HDAC9: variants seen among roughly 807,000 people sequenced by gnomAD.
HDAC9 encodes MEF-2 interacting transcription repressor (MITR) protein.
A neutral mutation model predicts 139.4 loss-of-function variants in HDAC9; 41 were observed. The ratio of observed to expected loss-of-function variants is 0.29; its 90% CI spans 0.23 to 0.38. The LOEUF is 0.38. HDAC9 is among the 10% of genes least tolerant of loss of function. HDAC9 has a pLI of 1.00. For synonymous variants in HDAC9, 517 were observed against 476.2 expected (o/e 1.09, Z -1.12); for missense variants, 1,147 against 1,297.0 (o/e 0.88, Z 1.78).
intron 22 of HDAC9, among the ~76,000 whole-genome samples, chr7:18,925,392 A>C (rs138028251): frequency 1.1e-4 from 16 of 152,268 alleles, no homozygotes; most frequent in Non-Finnish European, 2.1e-4. Flanking sequence ...GCCTGGTTAT[A>C]TTAGGTCTCA....
chr7:18,952,841 C>A (rs1420089688), intron 23 of HDAC9, among the ~76,000 whole-genome samples: 1 of 149,792 alleles, frequency 6.7e-6, no homozygotes, highest in Non-Finnish European at 1.5e-5. Context: ...TTCCTCTCAC[C>A]AAACTGTATT....
At chr7:18,171,663 T>C (rs895770366) in intron 2 of HDAC9, among the ~76,000 whole-genome samples, 1 of 152,258 alleles carries the variant, frequency 6.6e-6, no homozygotes, top group Admixed American at 6.5e-5. Flanking sequence ...GAAGGGCTGT[T>C]GAATTTTGTC....
intron 17 of HDAC9, among the ~76,000 whole-genome samples, chr7:18,805,750 T>G (rs1008900176): frequency 6.6e-6 from 1 of 152,154 alleles, no homozygotes; most frequent in Non-Finnish European, 1.5e-5. Context: ...GGAACAGTGT[T>G]TGGATGTCTG....
chr7:18,515,022 G>T (rs1291352133), intron 2 of HDAC9, among the ~76,000 whole-genome samples: 2 of 152,098 alleles, frequency 1.3e-5, no homozygotes. Context: ...GTACTACATA[G>T]TCCTTAGGAA....
rs115890382 is a variant in HDAC9, at chr7:18,650,238, G to C, written c.1467+1555G>C. On this transcript the variant is annotated intron_variant, in intron 11 of 25. Transcript: ENST00000686413. ...CCACTGTTTAGTGCAAGAAATGTATGTGGGAGGGAAGATTAGGGATCGTAT... is the reference window on the plus strand; with the variant it reads ...CCACTGTTTAGTGCAAGAAATGTATCTGGGAGGGAAGATTAGGGATCGTAT... Among the ~76,000 whole-genome samples, 265 of 152,272 alleles carry C rather than the reference G, an allele frequency of 1.7e-3. 1 individual carries two copies. The highest frequency in any genetic ancestry group is 6.2e-3 in the African/African-American group (257 of 41,572).
chr7:18,746,520 T>A lies in HDAC9; in HGVS notation c.1910-2485T>A, dbSNP rs182472148. Reference sequence around the variant, plus strand: ...GAAATATAAAGCTAAGTAAAATAAATGCCTATATTAGAAGCACTTAGGGTA... The same window carrying A: ...GAAATATAAAGCTAAGTAAAATAAAAGCCTATATTAGAAGCACTTAGGGTA... On this transcript the variant is annotated intron_variant, in intron 13 of 25. Coordinates refer to ENST00000686413, the MANE Select transcript of HDAC9 (RefSeq NM_178425.4). 1.6e-3 allele frequency among the ~76,000 whole-genome samples: 237 copies of A among 152,288 alleles called. 1 individual carries two copies. The highest frequency in any genetic ancestry group is 0.013 in the Admixed American group (196 of 15,298).
intron 2 of HDAC9, among the ~76,000 whole-genome samples, chr7:18,216,518 T>A (rs1792325374): frequency 6.6e-6 from 1 of 152,128 alleles, no homozygotes; most frequent in Non-Finnish European, 1.5e-5. Flanking sequence ...AGATAGGGAA[T>A]CTTTATTATA....
chr7:18,842,692 C>G (rs149795286), intron 21 of HDAC9, among the ~76,000 whole-genome samples: 1 of 152,004 alleles, frequency 6.6e-6, no homozygotes, highest in African/African-American at 2.4e-5. Context: ...CATTTTTTCT[C>G]TCATCTGTTC....
intron 25 of HDAC9, among the ~76,000 whole-genome samples, chr7:18,991,685 T>C (rs1337143934): frequency 6.6e-6 from 1 of 152,164 alleles, no homozygotes; most frequent in African/African-American, 2.4e-5. Flanking sequence ...ACAGACTTAC[T>C]TATGACACAT....
At chr7:18,573,532 CTGCACTCGGCT>C (rs1444953166) in intron 2 of HDAC9, among the ~76,000 whole-genome samples, 2 of 152,208 alleles carry the variant, frequency 1.3e-5, no homozygotes, top group Non-Finnish European at 1.5e-5. Flanking sequence ...GCTCAACAGG[CTGCACTCGGCT>C]CGTGCTGCCA....
chr7:18,443,621 C>G lies in HDAC9; in HGVS notation c.-41-52641C>G, dbSNP rs183707006. ...GAATATTAGTAAACCCTCAAGACAT[C>G]TTATATATGAATATTTGGTTTAAAA... On this transcript the variant is annotated intron_variant, in intron 1 of 3. Coordinates refer to the HDAC9 transcript ENST00000413509. 6.6e-5 allele frequency among the ~76,000 whole-genome samples: 10 copies of G among 152,188 alleles called. No individual in the cohort carries two copies. The East Asian group carries it at 1.9e-3, about 29-fold the overall frequency.
chr7:18,875,038 C>G (rs1799215356), intron 22 of HDAC9, among the ~76,000 whole-genome samples: 1 of 152,114 alleles, frequency 6.6e-6, no homozygotes, highest in South Asian at 2.1e-4. Context: ...AAGTGTAATT[C>G]CCCTTGCTCA....
intron 16 of HDAC9, among the ~76,000 whole-genome samples, chr7:18,785,881 G>T (rs777488841): frequency 1.3e-5 from 2 of 151,968 alleles, no homozygotes; most frequent in Non-Finnish European, 2.9e-5. Context: ...ATTAATGGTC[G>T]CTGTAAGAAT....
At chr7:18,579,987 G>T (rs571113805) in intron 2 of HDAC9, among the ~76,000 whole-genome samples, 1 of 152,144 alleles carries the variant, frequency 6.6e-6, no homozygotes, top group African/African-American at 2.4e-5. Context: ...AAGTAGCAAC[G>T]AAAGAGTCCG....
chr7:18,841,019 G>A (rs1796550753), intron 21 of HDAC9, among the ~76,000 whole-genome samples: 1 of 152,068 alleles, frequency 6.6e-6, no homozygotes, highest in African/African-American at 2.4e-5. Flanking sequence ...ATAATGGTCA[G>A]CCTAGAGATT....
chr7:18,414,570 A>G (rs757086556), intron 1 of HDAC9, among the ~76,000 whole-genome samples: 1 of 152,190 alleles, frequency 6.6e-6, no homozygotes, highest in Non-Finnish European at 1.5e-5. Context: ...GATATTTGTA[A>G]CAAATAAATT....
At chr7:18,827,045 G>C (rs1026444153) in intron 17 of HDAC9, among the ~76,000 whole-genome samples, 4 of 151,464 alleles carry the variant, frequency 2.6e-5, no homozygotes, top group African/African-American at 9.7e-5. Flanking sequence ...TTGAGCCCAG[G>C]AGTTCAAGAC....
At chr7:18,160,590 G>A (rs1167458687) in intron 1 of HDAC9, among the ~76,000 whole-genome samples, 1 of 152,060 alleles carries the variant, frequency 6.6e-6, no homozygotes, top group Admixed American at 6.6e-5. Context: ...TAACTATAAA[G>A]AACAGTGTGA....
intron 22 of HDAC9, among the ~76,000 whole-genome samples, chr7:18,893,898 A>T (rs1299467383): frequency 6.6e-6 from 1 of 152,204 alleles, no homozygotes; most frequent in Non-Finnish European, 1.5e-5. Flanking sequence ...CATTGTAGGC[A>T]TGGGGAACAG....
Sources: allele counts gnomAD v4.1 joint callset (sites outside exome capture counted in the v4.1 genomes callset), GRCh38; gene constraint gnomAD v4.1.1; transcripts MANE v1.5; gene names NCBI Gene and HGNC (gene_info 2026-07-23, HGNC 2026-07-21).